Variants in DACH1 observed in about 807,000 individuals in gnomAD.
DACH1 encodes dachshund homolog 1.
DACH1 carries 12 observed loss-of-function variants against 54.2 expected under a neutral mutation model. The observed-to-expected ratio is 0.22, with a 90% CI of 0.14 to 0.36. The LOEUF (loss-of-function observed/expected upper bound fraction) is 0.36. Among genes scored for constraint, DACH1 ranks in the 10% least tolerant of loss-of-function variants. DACH1 has a pLI of 1.00. For synonymous variants in DACH1, 386 were observed against 366.2 expected (o/e 1.05, Z -0.62); for missense variants, 805 against 929.8 (o/e 0.87, Z 1.75).
intron 6 of DACH1, among the ~76,000 whole-genome samples, chr13:71,502,999 T>C (rs1880045519): frequency 6.6e-6 from 1 of 152,218 alleles, no homozygotes; most frequent in African/African-American, 2.4e-5. Flanking sequence ...TACAATGACT[T>C]CGCTTAAGCT....
intron 6 of DACH1, among the ~76,000 whole-genome samples, chr13:71,493,388 A>G (rs957505791): frequency 6.6e-6 from 1 of 152,142 alleles, no homozygotes; most frequent in Non-Finnish European, 1.5e-5. Context: ...CCTGGCTGAC[A>G]GGTTGATTGA....
chr13:71,782,491 A>G (rs1023277540), intron 1 of DACH1, among the ~76,000 whole-genome samples: 1 of 152,028 alleles, frequency 6.6e-6, no homozygotes, highest in African/African-American at 2.4e-5. Flanking sequence ...AAATAAATAA[A>G]CTGAAAAAGA....
chr13:71,607,742 A>G (rs1874981194), intron 3 of DACH1, among the ~76,000 whole-genome samples: 1 of 152,100 alleles, frequency 6.6e-6, no homozygotes, highest in Non-Finnish European at 1.5e-5. Context: ...AACAGCACAC[A>G]TGTTCCTGTT....
rs748058171 is a variant in DACH1 at position 71,866,526 on chromosome 13, T to TGCCGCCGCCGCCGCCGCCGCCGCC, written c.220_243dup (p.Gly74_Gly81dup). On this transcript the variant is annotated inframe_insertion, in exon 1 of 11. Transcript: ENST00000613252. ...CCGCTGCTGCCGCCGCCGCCTCCGCTGCCGCCGCCGCCGCCGCCGCCGCCG... is the reference window on the plus strand; with the variant it reads ...CCGCTGCTGCCGCCGCCGCCTCCGCTGCCGCCGCCGCCGCCGCCGCCGCCGCCGCCGCCGCCGCCGCCGCCGCCG... 1.6e-6 allele frequency: 2 copies of TGCCGCCGCCGCCGCCGCCGCCGCC among 1,233,852 alleles called. No individual in the cohort carries two copies. Among genetic ancestry groups the TGCCGCCGCCGCCGCCGCCGCCGCC allele is most frequent in the African/African-American group, 1.7e-5 (1 of 60,266 alleles). The allele number at this position is 1,233,852 out of a possible 1,614,324, so 76.4% of individuals were successfully genotyped here. A position where few individuals can be genotyped will look rare whatever the true frequency, so the allele number is the denominator to read the frequency against.
intron 6 of DACH1, among the ~76,000 whole-genome samples, chr13:71,495,626 T>C (rs963050501): frequency 2.6e-5 from 4 of 152,066 alleles, no homozygotes; most frequent in Non-Finnish European, 5.9e-5. Context: ...TAGCAGTAGA[T>C]ACTAATAATA....
intron 3 of DACH1, among the ~76,000 whole-genome samples, chr13:71,608,912 C>T (rs1875095640): frequency 6.6e-6 from 1 of 152,024 alleles, no homozygotes; most frequent in South Asian, 2.1e-4. Context: ...AATTGTACCT[C>T]TCCTTATGAA....
intron 1 of DACH1, among the ~76,000 whole-genome samples, chr13:71,832,577 A>G (rs535685578): frequency 6.6e-6 from 1 of 152,056 alleles, no homozygotes; most frequent in Admixed American, 6.6e-5. Flanking sequence ...GAATATTCCC[A>G]AATAGAAAAT....
intron 1 of DACH1, among the ~76,000 whole-genome samples, chr13:71,751,666 A>G (rs529750772): frequency 6.6e-6 from 1 of 152,312 alleles, no homozygotes; most frequent in Middle Eastern, 3.4e-3. Context: ...AGCAGGAGTA[A>G]GAGTAAATAT....
intron 2 of DACH1, among the ~76,000 whole-genome samples, chr13:71,670,978 G>A (rs905612173): frequency 1.3e-5 from 2 of 151,922 alleles, no homozygotes; most frequent in Non-Finnish European, 2.9e-5. Context: ...CTTCTCTCTT[G>A]GGACTTTACT....
intron 3 of DACH1, among the ~76,000 whole-genome samples, chr13:71,598,316 G>A (rs914785059): frequency 1.6e-4 from 25 of 152,020 alleles, no homozygotes; most frequent in African/African-American, 4.6e-4. Flanking sequence ...GTGCAGTGGC[G>A]CAATCTCAGC....
intron 3 of DACH1, among the ~76,000 whole-genome samples, chr13:71,598,917 C>T (rs1183020168): frequency 6.6e-6 from 1 of 151,962 alleles, no homozygotes; most frequent in East Asian, 1.9e-4. Flanking sequence ...AAAACTTTAC[C>T]CTAGTTATTT....
At chr13:71,600,333 A>G (rs899317846) in intron 3 of DACH1, among the ~76,000 whole-genome samples, 1 of 152,144 alleles carries the variant, frequency 6.6e-6, no homozygotes, top group Non-Finnish European at 1.5e-5. Flanking sequence ...GTAAGCCACT[A>G]CTACTGGCTG....
chr13:71,609,851 A>G (rs1226889140), intron 3 of DACH1, among the ~76,000 whole-genome samples: 1 of 152,150 alleles, frequency 6.6e-6, no homozygotes, highest in Admixed American at 6.6e-5. Context: ...TATCTTGATA[A>G]ATATAAAAAA....
At chr13:71,562,898 G>A (rs1306318974) in intron 4 of DACH1, among the ~76,000 whole-genome samples, 1 of 152,050 alleles carries the variant, frequency 6.6e-6, no homozygotes, top group Non-Finnish European at 1.5e-5. Context: ...GTTGTGTATG[G>A]TTTTGGAGTA....
chr13:71,440,774 T>C lies in DACH1; in HGVS notation c.2084-82A>G, dbSNP rs900314395. 1.1e-5 allele frequency: 12 copies of C among 1,124,206 alleles called. No homozygotes were observed. In the African/African-American group the frequency reaches 1.6e-4, roughly 15 times the overall value. The allele number at this position is 1,124,206 out of a possible 1,614,324, so 69.6% of individuals were successfully genotyped here. A position where few individuals can be genotyped will look rare whatever the true frequency, so the allele number is the denominator to read the frequency against. Reference sequence around the variant, plus strand: ...CATGTAAAAATGATGTAACTTGATATAAAATTTGTAGTTTTTATTAGATCT... The same window carrying C: ...CATGTAAAAATGATGTAACTTGATACAAAATTTGTAGTTTTTATTAGATCT... On this transcript the variant is annotated intron_variant, in intron 10 of 10. Coordinates refer to ENST00000613252, the MANE Select transcript of DACH1 (RefSeq NM_080759.6).
At chr13:71,651,678 ATC>A (rs769876869) in intron 2 of DACH1, among the ~76,000 whole-genome samples, 1,289 of 96,734 alleles carry the variant, frequency 0.013, 13 homozygotes, top group African/African-American at 0.042. Context: ...CTGTATCTGT[ATC>A]TGTATATGTA....
intron 1 of DACH1, among the ~76,000 whole-genome samples, chr13:71,816,568 G>A (rs1374603644): frequency 1.4e-5 from 2 of 143,206 alleles, no homozygotes; most frequent in Admixed American, 7.1e-5. Context: ...ATATATGTGT[G>A]TATATATATA....
At chr13:71,626,347 C>T (rs1876644126) in intron 3 of DACH1, among the ~76,000 whole-genome samples, 1 of 151,838 alleles carries the variant, frequency 6.6e-6, no homozygotes. Flanking sequence ...ATTTAGTATT[C>T]TCAAAAGTGT....
intron 1 of DACH1, among the ~76,000 whole-genome samples, chr13:71,748,438 A>C (rs1294747180): frequency 6.6e-6 from 1 of 152,208 alleles, no homozygotes; most frequent in Non-Finnish European, 1.5e-5. Context: ...TCAAGCCCTT[A>C]GTTTTTAAAA....
Sources: allele counts gnomAD v4.1 joint callset (sites outside exome capture counted in the v4.1 genomes callset), GRCh38; gene constraint gnomAD v4.1.1; transcripts MANE v1.5; gene names NCBI Gene and HGNC (gene_info 2026-07-23, HGNC 2026-07-21).